Variants in ZNF705A observed in about 807,000 individuals in gnomAD.
ZNF705A encodes the protein zinc finger protein 705A.
Under a neutral mutation model 16.6 loss-of-function variants are expected in ZNF705A, and 8 were observed. That is an observed-to-expected ratio of 0.48 (90% CI 0.28 to 0.87). The LOEUF is 0.87. ZNF705A is among the 40% of genes least tolerant of loss of function. ZNF705A has a pLI of 0.10. For synonymous variants in ZNF705A, 73 were observed against 117.3 expected (o/e 0.62, Z 2.44); for missense variants, 233 against 359.9 (o/e 0.65, Z 2.85).
intron 1 of ZNF705A, among the ~76,000 whole-genome samples, chr12:8,159,393 C>A (rs1948334817): frequency 6.6e-6 from 1 of 152,168 alleles, no homozygotes; most frequent in African/African-American, 2.4e-5. Context: ...AATCTTCACA[C>A]TTTTCTACAT....
chr12:8,177,222 A>G, exon 5 of ZNF705A: 6 of 1,611,722 alleles, frequency 3.7e-6, no homozygotes, highest in Non-Finnish European at 5.1e-6. Flanking sequence ...GAAAAGGCCT[A>G]TACTAATTGC....
intron 1 of ZNF705A, among the ~76,000 whole-genome samples, chr12:8,157,368 C>T (rs1948318125): frequency 6.6e-6 from 1 of 152,140 alleles, no homozygotes; most frequent in Non-Finnish European, 1.5e-5. Flanking sequence ...AAAAGCATTT[C>T]CTACTATGCC....
exon 5 of ZNF705A, chr12:8,178,424 A>C (rs921614050): frequency 6.5e-6 from 1 of 152,874 alleles, no homozygotes; most frequent in African/African-American, 2.4e-5. Flanking sequence ...TCCTGAAAGG[A>C]GAAAATTCTT....
chr12:8,157,800 G>A lies in ZNF705A; in HGVS notation c.-72+708G>A, dbSNP rs541506186. Among the ~76,000 whole-genome samples, 98 of 152,206 alleles carry A rather than the reference G, an allele frequency of 6.4e-4. 1 individual carries two copies. The highest frequency in any genetic ancestry group is 3.6e-3 in the Admixed American group (55 of 15,280). On this transcript the variant is annotated intron_variant, in intron 1 of 5. Coordinates refer to the ZNF705A transcript ENST00000396570. ...GTGAAATGTTGACCTAAAAGGAAGGGGCTGAGACACAAATTATAATTAGAG... is the reference window on the plus strand; with the variant it reads ...GTGAAATGTTGACCTAAAAGGAAGGAGCTGAGACACAAATTATAATTAGAG...
chr12:8,169,289 T>C (rs1018206655), upstream of ZNF705A, among the ~76,000 whole-genome samples: 15 of 152,194 alleles, frequency 9.9e-5, no homozygotes, highest in African/African-American at 2.9e-4. Flanking sequence ...CCATTCCACT[T>C]TCACCATTCC....
At position 8,175,463 on chromosome 12, in the gene ZNF705A, G is replaced by T. The variant is rs985165747; in HGVS notation, c.235+140G>T. ...TAGGCTACTGGAGCAGAATTCCTTA[G>T]ATGTTATTGTCATTTTGTTCATGTG... On this transcript the variant is annotated intron_variant, in intron 3 of 4. Coordinates refer to ENST00000359286, the Ensembl canonical transcript of ZNF705A. The T allele has an allele frequency of 6.2e-6, 8 of 1,287,860 alleles. No individual in the cohort carries two copies. In the African/African-American group the frequency reaches 1.0e-4, roughly 17 times the overall value. 79.8% of individuals were successfully genotyped at this position (1,287,860 alleles called of 1,614,324 possible). A position where few individuals can be genotyped will look rare whatever the true frequency, so the allele number is the denominator to read the frequency against.
intron 4 of ZNF705A, among the ~76,000 whole-genome samples, chr12:8,176,345 C>T (rs1268475807): frequency 6.6e-6 from 1 of 152,182 alleles, no homozygotes; most frequent in African/African-American, 2.4e-5. Context: ...TAAGGACATG[C>T]ACCCAGGGGA....
exon 5 of ZNF705A, chr12:8,177,442 G>A (rs1948494877): frequency 2.5e-6 from 4 of 1,612,160 alleles, no homozygotes; most frequent in Non-Finnish European, 2.5e-6. Flanking sequence ...TTGGAAAAAA[G>A]TGTTATGAAT....
chr12:8,161,528 G>T (rs1334236334), intron 1 of ZNF705A, among the ~76,000 whole-genome samples: 1 of 152,050 alleles, frequency 6.6e-6, no homozygotes, highest in African/African-American at 2.4e-5. Context: ...AAGCTAGGAG[G>T]GTTGTATTTT....
chr12:8,177,604 A>C, exon 5 of ZNF705A: 1 of 1,480,400 alleles, frequency 6.8e-7, no homozygotes, highest in Non-Finnish European at 9.4e-7. Flanking sequence ...CATGCACTGG[A>C]GAAAAGCCAT....
At chr12:8,161,649 C>T (rs1050649848) in intron 1 of ZNF705A, among the ~76,000 whole-genome samples, 6 of 152,070 alleles carry the variant, frequency 3.9e-5, no homozygotes, top group African/African-American at 1.4e-4. Flanking sequence ...GTTCCAATTA[C>T]CAGAAATGCA....
intron 1 of ZNF705A, among the ~76,000 whole-genome samples, chr12:8,173,144 A>C (rs2120723889): frequency 1.3e-5 from 2 of 152,362 alleles, no homozygotes; most frequent in South Asian, 4.1e-4. Flanking sequence ...CAATAAATCC[A>C]GTGTGATAGG....
intron 1 of ZNF705A, among the ~76,000 whole-genome samples, chr12:8,173,742 A>C (rs1948463316): frequency 6.6e-6 from 1 of 152,214 alleles, no homozygotes; most frequent in Non-Finnish European, 1.5e-5. Flanking sequence ...AGTCTGGTTC[A>C]TTACTTTCTA....
chr12:8,177,106 A>G (rs1948490764), exon 5 of ZNF705A: 1 of 1,611,998 alleles, frequency 6.2e-7, no homozygotes, highest in Non-Finnish European at 8.5e-7. Context: ...GTGGAAAGAA[A>G]CCCTATGTCA....
chr12:8,158,691 G>A (rs1240347500), intron 1 of ZNF705A, among the ~76,000 whole-genome samples: 1 of 152,084 alleles, frequency 6.6e-6, no homozygotes, highest in Non-Finnish European at 1.5e-5. Flanking sequence ...GCAATTGTAA[G>A]TGTATCTTTA....
At chr12:8,163,087 T>C (rs147058114) in intron 1 of ZNF705A, among the ~76,000 whole-genome samples, 3,634 of 152,254 alleles carry the variant, frequency 0.024, 99 homozygotes, top group African/African-American at 0.06. Context: ...CCACCGCACA[T>C]GGAGGCAGGA....
At chr12:8,163,910 T>C (rs1316742408) in intron 1 of ZNF705A, among the ~76,000 whole-genome samples, 1 of 152,200 alleles carries the variant, frequency 6.6e-6, no homozygotes, top group Non-Finnish European at 1.5e-5. Context: ...TTCTTGTTTT[T>C]TTTAACCGAC....
upstream of ZNF705A, among the ~76,000 whole-genome samples, chr12:8,168,352 C>T (rs773516045): frequency 6.6e-6 from 1 of 152,206 alleles, no homozygotes. Context: ...TGCTCATGCT[C>T]TTCTATCTGT....
chr12:8,166,753 C>T (rs1318055517), intron 1 of ZNF705A, among the ~76,000 whole-genome samples: 1 of 152,210 alleles, frequency 6.6e-6, no homozygotes, highest in Non-Finnish European at 1.5e-5. Context: ...TGTCTGGGGC[C>T]CTTTTAGCCA....
Sources: allele counts gnomAD v4.1 joint callset (sites outside exome capture counted in the v4.1 genomes callset), GRCh38; gene constraint gnomAD v4.1.1; transcripts MANE v1.5; gene names NCBI Gene and HGNC (gene_info 2026-07-23, HGNC 2026-07-21).